MLKL: variants seen among roughly 807,000 people sequenced by gnomAD.
MLKL encodes mixed lineage kinase domain like pseudokinase.
MLKL carries 55 observed loss-of-function variants against 56.5 expected under a neutral mutation model. The observed-to-expected ratio is 0.97, with a 90% confidence interval of 0.78 to 1.22. The LOEUF (loss-of-function observed/expected upper bound fraction) is 1.22. MLKL is among the 50% of genes most tolerant of loss of function. MLKL has a pLI of 0.00. For missense variants in MLKL, 694 were observed against 573.9 expected (o/e 1.21, Z -2.14); for synonymous variants, 251 against 208.3 (o/e 1.20, Z -1.76).
At chr16:74,690,491 G>GAA (rs908970365) in intron 4 of MLKL, among the ~76,000 whole-genome samples, 1 of 150,700 alleles carries the variant, frequency 6.6e-6, no homozygotes, top group African/African-American at 2.4e-5. Context: ...TCCATCACTG[G>GAA]AAAAAAAAAG....
intron 5 of MLKL, among the ~76,000 whole-genome samples, chr16:74,685,173 T>C (rs529816328): frequency 1.9e-3 from 282 of 152,266 alleles, no homozygotes; most frequent in Non-Finnish European, 3.0e-3. Context: ...AGCTTTATAA[T>C]GTTTTAGAGC....
chr16:74,695,782 G>C (rs749871249), intron 1 of MLKL, 23 bp from the exon 2 acceptor site: 2 of 1,557,302 alleles, frequency 1.3e-6, no homozygotes, highest in African/African-American at 2.7e-5. Context: ...AATGGAATTT[G>C]GTGAAATCCC....
chr16:74,695,063 G>A (rs1237714821), intron 2 of MLKL, among the ~76,000 whole-genome samples: 1 of 152,080 alleles, frequency 6.6e-6, no homozygotes, highest in East Asian at 1.9e-4. Context: ...TAGTAGAGAC[G>A]GGGTTTCACC....
chr16:74,688,473 G>A (rs563178033), intron 4 of MLKL, among the ~76,000 whole-genome samples: 1 of 152,226 alleles, frequency 6.6e-6, no homozygotes, highest in African/African-American at 2.4e-5. Flanking sequence ...CAGCAGTTTG[G>A]GAGGCCAAGG....
At chr16:74,677,690 T>C (rs538993325) in intron 7 of MLKL, 1 of 152,448 alleles carries the variant, frequency 6.6e-6, no homozygotes, top group African/African-American at 2.4e-5. Context: ...TTTTCTTTTT[T>C]TTTGGAGATG....
At chr16:74,676,266 G>A (rs985916943) in intron 7 of MLKL, 8 of 989,648 alleles carry the variant, frequency 8.1e-6, no homozygotes, top group East Asian at 1.1e-4. Context: ...TTGGCGTGAC[G>A]AGTGTGAGTC....
chr16:74,691,913 C>T (rs1960703653), intron 3 of MLKL, among the ~76,000 whole-genome samples: 1 of 152,180 alleles, frequency 6.6e-6, no homozygotes, highest in Admixed American at 6.5e-5. Context: ...TTTCCTCCTC[C>T]ACCCCGTGAG....
At chr16:74,694,728 C>T (rs1960915153) in intron 2 of MLKL, among the ~76,000 whole-genome samples, 1 of 152,162 alleles carries the variant, frequency 6.6e-6, no homozygotes, top group African/African-American at 2.4e-5. Flanking sequence ...TGCCGCCGTC[C>T]TCTAGCCCGT....
chr16:74,695,374 G>C lies in MLKL; in HGVS notation c.384C>G (p.Ser128Arg). ...VEQRMPVSPI[S>R]QGASWAQEDQ... ...CTTCCTGTGCCCAGGACGCTCCTTG[G>C]CTTATGGGTGAAACAGGCATGCGTT... Residue 128 changes from serine to arginine, a missense_variant, in exon 2 of 11, where the codon AGC becomes AGG. Transcript: ENST00000308807. The C allele has an allele frequency of 6.2e-7, 1 of 1,614,158 alleles. No individual in the cohort carries two copies. Among genetic ancestry groups the C allele is most frequent in the Non-Finnish European group, 8.5e-7 (1 of 1,180,022 alleles).
intron 1 of MLKL, among the ~76,000 whole-genome samples, chr16:74,696,182 T>C (rs1961031867): frequency 6.6e-6 from 1 of 152,102 alleles, no homozygotes; most frequent in South Asian, 2.1e-4. Flanking sequence ...GATAATCACT[T>C]GGAGGAGAGC....
At chr16:74,680,488 T>A (rs1959884409) in intron 6 of MLKL, among the ~76,000 whole-genome samples, 1 of 151,562 alleles carries the variant, frequency 6.6e-6, no homozygotes, top group Non-Finnish European at 1.5e-5. Context: ...TTTTTTTTTG[T>A]TTTTTTGTTT....
At chr16:74,686,860 A>G (rs1362970817) in intron 4 of MLKL, among the ~76,000 whole-genome samples, 1 of 152,230 alleles carries the variant, frequency 6.6e-6, no homozygotes, top group African/African-American at 2.4e-5. Context: ...TAAATTAAAA[A>G]TTTTCATTTC....
intron 1 of MLKL, 90 bp from the exon 2 acceptor site, chr16:74,695,849 T>C: frequency 1.7e-6 from 2 of 1,189,808 alleles, no homozygotes; most frequent in Non-Finnish European, 2.3e-6. Flanking sequence ...GTCTGTGACT[T>C]AAATGCCTGA....
Position 74,686,975 on chromosome 16 carries a change from TTTTG to T in MLKL, c.723-1396_723-1393del, listed in dbSNP as rs780745631. ...AAATTGTTGAAAGAATTTTGTTTTG[TTTTG>T]TTTGTTTGTTTTTTGAGATGGAGCC... On this transcript the variant is annotated intron_variant, in intron 4 of 10. Coordinates refer to ENST00000308807, the MANE Select transcript of MLKL (RefSeq NM_152649.4). Among the ~76,000 whole-genome samples the T allele has an allele frequency of 7.9e-5, 12 of 152,270 alleles. No individual in the cohort carries two copies. In the South Asian group the frequency reaches 8.3e-4, roughly 11 times the overall value.
At chr16:74,697,941 C>T (rs1297943961) in intron 1 of MLKL, among the ~76,000 whole-genome samples, 1 of 152,140 alleles carries the variant, frequency 6.6e-6, no homozygotes, top group Non-Finnish European at 1.5e-5. Flanking sequence ...TGTCATGACT[C>T]AAACCTGTAA....
intron 4 of MLKL, among the ~76,000 whole-genome samples, chr16:74,686,504 A>G (rs1248850519): frequency 6.6e-6 from 1 of 152,188 alleles, no homozygotes; most frequent in Non-Finnish European, 1.5e-5. Flanking sequence ...AACGGCGTGA[A>G]CCCAGGAGGT....
Position 74,691,262 on chromosome 16 carries a change from C to A in MLKL, c.722+15G>T. ...AGTATTGGTACACACGAGAGAACCA[C>A]ACAAAACAACTTACGCAATGCTGCC... On this transcript the variant is annotated intron_variant, in intron 4 of 10. Coordinates refer to ENST00000308807, the MANE Select transcript of MLKL (RefSeq NM_152649.4). 1 of 1,601,702 alleles carries A rather than the reference C, an allele frequency of 6.2e-7. No homozygotes were observed. The highest frequency in any genetic ancestry group is 1.1e-5 in the South Asian group (1 of 89,336).
intron 6 of MLKL, 64 bp from the exon 7 acceptor site, chr16:74,679,044 A>T (rs1031449260): frequency 7.6e-7 from 1 of 1,314,210 alleles, no homozygotes; most frequent in African/African-American, 1.4e-5. Context: ...GGGACTGACA[A>T]TCATAACTGG....
At chr16:74,698,718 A>T (rs909582904) in intron 1 of MLKL, among the ~76,000 whole-genome samples, 1 of 152,230 alleles carries the variant, frequency 6.6e-6, no homozygotes, top group Non-Finnish European at 1.5e-5. Context: ...AGAAAGCCAT[A>T]TCTCAGCACT....
Sources: gnomAD v4.1 joint callset for allele counts (sites outside exome capture counted in the v4.1 genomes callset) on GRCh38, gnomAD v4.1.1 for gene constraint, MANE v1.5 for transcripts, NCBI Gene and HGNC (gene_info 2026-07-23, HGNC 2026-07-21) for gene names.